G2E3: variants seen among roughly 807,000 people sequenced by gnomAD.
The protein encoded by G2E3 is G2/M phase-specific E3 ubiquitin-protein ligase.
G2E3 carries 35 observed loss-of-function variants against 92.8 expected under a neutral mutation model. The ratio of observed to expected loss-of-function variants is 0.38; its 90% confidence interval spans 0.29 to 0.50. The LOEUF is 0.50. G2E3 is among the 20% of genes least tolerant of loss of function. G2E3 has a pLI of 0.94. For synonymous variants in G2E3, 242 were observed against 272.4 expected (o/e 0.89, Z 1.10); for missense variants, 554 against 823.8 (o/e 0.67, Z 4.01).
chr14:30,585,195 C>A (rs1050265559), intron 2 of G2E3, among the ~76,000 whole-genome samples: 5 of 151,962 alleles, frequency 3.3e-5, no homozygotes, highest in African/African-American at 1.2e-4. Flanking sequence ...TCATTTTTTT[C>A]TTTTGTTACC....
At chr14:30,570,040 T>C (rs543653963) in intron 1 of G2E3, among the ~76,000 whole-genome samples, 12 of 152,364 alleles carry the variant, frequency 7.9e-5, no homozygotes, top group African/African-American at 2.6e-4. Flanking sequence ...TGTGAGTATG[T>C]GTACTCATCT....
chr14:30,597,365 T>C (rs1881339722), intron 6 of G2E3, 55 bp from the exon 7 acceptor site: 2 of 859,668 alleles, frequency 2.3e-6, no homozygotes, highest in Non-Finnish European at 4.0e-6. Flanking sequence ...ACATAATATA[T>C]CACCTGATAA....
chr14:30,575,751 A>G (rs1194079432), intron 1 of G2E3, among the ~76,000 whole-genome samples: 1 of 152,220 alleles, frequency 6.6e-6, no homozygotes, highest in South Asian at 2.1e-4. Context: ...CAAATCAGAA[A>G]GGCAATCCCA....
intron 14 of G2E3, among the ~76,000 whole-genome samples, chr14:30,615,951 T>G (rs557623958): frequency 1.7e-4 from 26 of 152,284 alleles, no homozygotes; most frequent in African/African-American, 6.3e-4. Context: ...TTCTGCCTGA[T>G]AGAGTGGAGA....
chr14:30,566,508 A>G (rs181899877), intron 1 of G2E3, among the ~76,000 whole-genome samples: 3 of 152,296 alleles, frequency 2.0e-5, no homozygotes, highest in Non-Finnish European at 1.5e-5. Flanking sequence ...TGTAAATGGA[A>G]TTGTTTACTT....
chr14:30,581,860 T>C (rs368883056), intron 2 of G2E3, among the ~76,000 whole-genome samples: 1 of 152,336 alleles, frequency 6.6e-6, no homozygotes, highest in African/African-American at 2.4e-5. Context: ...TACAATGAAA[T>C]ATGAGGAATT....
At chr14:30,590,339 T>C (rs1375945488) in intron 4 of G2E3, among the ~76,000 whole-genome samples, 1 of 152,148 alleles carries the variant, frequency 6.6e-6, no homozygotes, top group Non-Finnish European at 1.5e-5. Context: ...TTTCCACAGA[T>C]GCCAAAGTCT....
chr14:30,615,881 A>C (rs1199929847), intron 14 of G2E3, among the ~76,000 whole-genome samples: 3 of 152,148 alleles, frequency 2.0e-5, no homozygotes, highest in Non-Finnish European at 4.4e-5. Flanking sequence ...ATTATTCTTC[A>C]CCCACTGGTC....
intron 2 of G2E3, among the ~76,000 whole-genome samples, chr14:30,584,827 T>C (rs1880616628): frequency 3.3e-4 from 3 of 9,178 alleles, no homozygotes; most frequent in African/African-American, 1.8e-3. Flanking sequence ...GATAGTGTCC[T>C]TTTTTTTTTT....
Position 30,563,736 on chromosome 14 carries a change from T to TGTGTGTGA in G2E3, c.-5+4467_-5+4468insTGTGAGTG, listed in dbSNP as rs59557580. On this transcript the variant is annotated intron_variant, in intron 1 of 14. Coordinates refer to ENST00000206595, the MANE Select transcript of G2E3 (RefSeq NM_017769.5). ...GTGTGTGTGTGTGTGTGTGTGTGTG[T>TGTGTGTGA]GTGATATAGAGTCTCACTCTGTTGC... 8.2e-3 allele frequency among the ~76,000 whole-genome samples: 1,173 copies of TGTGTGTGA among 142,394 alleles called. 19 individuals are homozygous for TGTGTGTGA. The highest frequency in any genetic ancestry group is 0.029 in the African/African-American group (1,120 of 38,520). The allele number at this position is 142,394 out of a possible 152,430, so 93.4% of individuals were successfully genotyped here.
At chr14:30,577,667 G>C (rs1880193964) in intron 1 of G2E3, 1 of 152,226 alleles carries the variant, frequency 6.6e-6, no homozygotes, top group Admixed American at 6.5e-5. Flanking sequence ...TCCATAGCAT[G>C]TGATCCATGA....
chr14:30,563,707 G>C (rs1236123417), intron 1 of G2E3, among the ~76,000 whole-genome samples: 6 of 136,026 alleles, frequency 4.4e-5, no homozygotes, highest in Admixed American at 4.2e-4. Flanking sequence ...GTGTGTGTGT[G>C]TGTGTGTGTG....
At chr14:30,569,495 G>T (rs1023664557) in intron 1 of G2E3, among the ~76,000 whole-genome samples, 1 of 152,156 alleles carries the variant, frequency 6.6e-6, no homozygotes, top group African/African-American at 2.4e-5. Flanking sequence ...GTCACATAAG[G>T]TAGCAGATAC....
rs773349603 is a variant in G2E3, at chr14:30,592,416, G to A, written c.331G>A (p.Glu111Lys). 6 of 1,591,398 alleles carry A rather than the reference G, an allele frequency of 3.8e-6. No individual in the cohort carries two copies. In the African/African-American group the frequency reaches 6.8e-5, roughly 18 times the overall value. ...SYHFPCGLQR[E>K]CIFQFTGNFA... Reference sequence around the variant, plus strand: ...TCATTTCCCATGTGGACTTCAGAGAGAATGTATTTTCCAGTTTACTGGCAA... The same window carrying A: ...TCATTTCCCATGTGGACTTCAGAGAAAATGTATTTTCCAGTTTACTGGCAA... The change falls in exon 5 of 15, where the codon GAA (glutamate) becomes AAA (lysine). Residue 111 changes from glutamate to lysine, a missense_variant. Physicochemically the swap from Glu to Lys is moderately conservative, Grantham distance 56. Coordinates refer to ENST00000206595, the MANE Select transcript of G2E3 (RefSeq NM_017769.5).
In G2E3 at chr14:30,560,691, T is replaced by C. The variant is rs577682647; in HGVS notation, c.-5+1419T>C. 55 of 640,716 alleles carry C rather than the reference T, an allele frequency of 8.6e-5. No individual in the cohort carries two copies. In the African/African-American group the frequency reaches 9.0e-4, roughly 10 times the overall value. 39.7% of individuals were successfully genotyped at this position (640,716 alleles called of 1,614,324 possible). A position where few individuals can be genotyped will look rare whatever the true frequency, so the allele number is the denominator to read the frequency against. The stretch of plus-strand genomic sequence containing the variant: ...TGAATTATTTTCATTGGATTTTTGC[T>C]CTTTCTTAAATCAGTGAGTTTCAGA... On this transcript the variant is annotated intron_variant, in intron 1 of 14. Coordinates refer to ENST00000206595, the MANE Select transcript of G2E3 (RefSeq NM_017769.5).
chr14:30,562,666 A>T (rs1295481839), intron 1 of G2E3, among the ~76,000 whole-genome samples: 5 of 152,076 alleles, frequency 3.3e-5, no homozygotes. Context: ...GCCTGACACC[A>T]GTCAGGCCCA....
At position 30,581,096 on chromosome 14, in the gene G2E3, C is replaced by T; in HGVS notation, c.17C>T (p.Pro6Leu). 1.4e-6 allele frequency: 2 copies of T among 1,478,130 alleles called. No individual in the cohort carries two copies. Among genetic ancestry groups the T allele is most frequent in the East Asian group, 2.3e-5 (1 of 44,034 alleles). 91.6% of individuals were successfully genotyped at this position (1,478,130 alleles called of 1,614,324 possible). The change falls in exon 2 of 15, where the codon CCT (proline) becomes CTT (leucine). Residue 6 changes from proline to leucine, a missense_variant. Transcript: ENST00000206595. The part of the protein sequence containing the change: MNESK[P>L]GDSQNLACVF... The stretch of plus-strand genomic sequence containing the variant: ...CCTAGTAAAATGAATGAAAGTAAAC[C>T]TGGTGACTCACAGAACCTTGGTAAG...
intron 2 of G2E3, among the ~76,000 whole-genome samples, chr14:30,581,485 T>G (rs1398700566): frequency 7.2e-5 from 11 of 152,142 alleles, no homozygotes; most frequent in Admixed American, 7.2e-4. Context: ...AGCAGGCAAA[T>G]CACTTGAGGT....
At chr14:30,563,504 A>G (rs1359587485) in intron 1 of G2E3, among the ~76,000 whole-genome samples, 1 of 152,098 alleles carries the variant, frequency 6.6e-6, no homozygotes, top group Non-Finnish European at 1.5e-5. Flanking sequence ...TTGGGATATC[A>G]CAAGACTATT....
Sources: gnomAD v4.1 joint callset for allele counts (sites outside exome capture counted in the v4.1 genomes callset) on GRCh38, gnomAD v4.1.1 for gene constraint, MANE v1.5 for transcripts, NCBI Gene and HGNC (gene_info 2026-07-23, HGNC 2026-07-21) for gene names.